EYS: variants seen among roughly 807,000 people sequenced by gnomAD.
EYS encodes the protein protein eyes shut homolog.
A neutral mutation model predicts 282.1 loss-of-function variants in EYS; 250 were observed. The observed-to-expected ratio is 0.89, with a 90% CI of 0.80 to 0.98. The LOEUF (loss-of-function observed/expected upper bound fraction) is 0.98, where lower values mean the gene tolerates loss of function less well. Ranked by LOEUF, EYS falls within the 50% of genes least tolerant of loss-of-function variation. EYS has a pLI of 0.00. For missense variants in EYS, 4,016 were observed against 3,709.0 expected (o/e 1.08, Z -2.15); for synonymous variants, 1,355 against 1,282.9 (o/e 1.06, Z -1.20).
At chr6:63,836,179 C>A (rs1451396095) in intron 36 of EYS, among the ~76,000 whole-genome samples, 1 of 151,946 alleles carries the variant, frequency 6.6e-6, no homozygotes, top group Non-Finnish European at 1.5e-5. Flanking sequence ...ATTTTAGACT[C>A]CTACCAGCAA....
chr6:64,094,883 T>C (rs563150917), intron 31 of EYS, among the ~76,000 whole-genome samples: 2 of 152,186 alleles, frequency 1.3e-5, no homozygotes, highest in Non-Finnish European at 2.9e-5. Context: ...TTTCCTTTGT[T>C]CGCATTTAGT....
intron 18 of EYS, among the ~76,000 whole-genome samples, chr6:64,899,418 T>C (rs1299752870): frequency 6.6e-6 from 1 of 152,034 alleles, no homozygotes; most frequent in Non-Finnish European, 1.5e-5. Flanking sequence ...AGAGAGAAAG[T>C]CAGGTTATCT....
intron 36 of EYS, among the ~76,000 whole-genome samples, chr6:63,828,552 G>A (rs1771536830): frequency 1.3e-5 from 2 of 152,150 alleles, no homozygotes; most frequent in Non-Finnish European, 2.9e-5. Flanking sequence ...CAGCGAGAAT[G>A]GAGAAAATCT....
At chr6:65,255,676 A>C (rs1767441590) in intron 12 of EYS, among the ~76,000 whole-genome samples, 1 of 152,034 alleles carries the variant, frequency 6.6e-6, no homozygotes, top group Non-Finnish European at 1.5e-5. Context: ...TCAAATAATC[A>C]AATTAAAAAT....
intron 12 of EYS, among the ~76,000 whole-genome samples, chr6:65,063,399 C>T (rs866016315): frequency 3.3e-5 from 5 of 151,842 alleles, no homozygotes; most frequent in East Asian, 1.9e-4. Context: ...CTGTATAGCA[C>T]GTTATATGAG....
intron 35 of EYS, among the ~76,000 whole-genome samples, chr6:63,958,808 T>C (rs1309144979): frequency 3.9e-5 from 6 of 152,164 alleles, no homozygotes; most frequent in Non-Finnish European, 8.8e-5. Flanking sequence ...AAAGCCTGGA[T>C]TACAGGATCT....
intron 33 of EYS, among the ~76,000 whole-genome samples, chr6:64,062,101 C>T (rs1321233668): frequency 6.6e-6 from 1 of 151,912 alleles, no homozygotes; most frequent in Non-Finnish European, 1.5e-5. Context: ...AGAAATTTAC[C>T]CTGCATTTGC....
chr6:64,480,529 A>G (rs1776408071), intron 26 of EYS, among the ~76,000 whole-genome samples: 1 of 151,858 alleles, frequency 6.6e-6, no homozygotes, highest in Admixed American at 6.6e-5. Flanking sequence ...CGTTGATAAG[A>G]CTAAATGAAA....
chr6:65,228,115 T>C (rs2150265330), intron 12 of EYS, among the ~76,000 whole-genome samples: 1 of 152,210 alleles, frequency 6.6e-6, no homozygotes, highest in East Asian at 1.9e-4. Context: ...AATAGATGCA[T>C]CCATAAAAAG....
chr6:65,483,890 T>G (rs1359106944), intron 5 of EYS, among the ~76,000 whole-genome samples: 3 of 152,122 alleles, frequency 2.0e-5, no homozygotes, highest in Non-Finnish European at 4.4e-5. Context: ...GGAACTCCTT[T>G]TTTTAAAACC....
intron 11 of EYS, among the ~76,000 whole-genome samples, chr6:65,324,120 C>A (rs535015625): frequency 1.3e-5 from 2 of 151,312 alleles, no homozygotes; most frequent in Non-Finnish European, 2.9e-5. Context: ...TCCTTCAAAC[C>A]CTTGCCTGGC....
chr6:64,822,848 C>T (rs748079172), intron 19 of EYS, 26 bp from the exon 20 acceptor site: 6 of 1,526,100 alleles, frequency 3.9e-6, no homozygotes, highest in African/African-American at 1.4e-5. Flanking sequence ...CAAGGCAAAA[C>T]ATGAAACCAT....
intron 22 of EYS, among the ~76,000 whole-genome samples, chr6:64,754,372 A>T (rs1385599401): frequency 8.6e-6 from 1 of 116,358 alleles, no homozygotes; most frequent in African/African-American, 3.5e-5. Context: ...TGGAAAACCC[A>T]GGACCAGTCA....
chr6:64,925,058 T>C (rs1284771073), intron 15 of EYS, among the ~76,000 whole-genome samples: 2 of 152,178 alleles, frequency 1.3e-5, no homozygotes, highest in Non-Finnish European at 2.9e-5. Flanking sequence ...GATAAAGATA[T>C]ACCCGAGACT....
intron 12 of EYS, among the ~76,000 whole-genome samples, chr6:65,241,755 A>G (rs926030158): frequency 4.6e-5 from 7 of 151,990 alleles, no homozygotes; most frequent in African/African-American, 1.4e-4. Context: ...TTAAAGTTCT[A>G]TATGTGATTA....
At chr6:64,881,969 C>A (rs1766935239) in intron 19 of EYS, among the ~76,000 whole-genome samples, 1 of 151,708 alleles carries the variant, frequency 6.6e-6, no homozygotes, top group African/African-American at 2.4e-5. Flanking sequence ...CATCATTTTT[C>A]AAAGTGCAAT....
intron 15 of EYS, among the ~76,000 whole-genome samples, chr6:64,940,824 A>G (rs543429363): frequency 3.3e-5 from 5 of 152,110 alleles, no homozygotes; most frequent in Non-Finnish European, 7.4e-5. Flanking sequence ...TCACCAAAAA[A>G]TTAGAAACAT....
At chr6:64,379,704 T>C (rs1772681943) in intron 29 of EYS, 1 of 152,118 alleles carries the variant, frequency 6.6e-6, no homozygotes, top group Admixed American at 6.6e-5. Flanking sequence ...GAAAGTGAGG[T>C]GATCTTAGGT....
At chr6:64,937,233 C>A (rs1768939147) in intron 15 of EYS, among the ~76,000 whole-genome samples, 1 of 151,312 alleles carries the variant, frequency 6.6e-6, no homozygotes, top group African/African-American at 2.4e-5. Context: ...TTGTAATCTT[C>A]AGTTAGACAA....
Sources: gnomAD v4.1 joint callset for allele counts (sites outside exome capture counted in the v4.1 genomes callset) on GRCh38, gnomAD v4.1.1 for gene constraint, MANE v1.5 for transcripts, NCBI Gene and HGNC (gene_info 2026-07-23, HGNC 2026-07-21) for gene names.